RPS6KA2: variants seen among roughly 807,000 people sequenced by gnomAD.
RPS6KA2 encodes the protein ribosomal protein S6 kinase A2.
Under a neutral mutation model 91.8 loss-of-function variants are expected in RPS6KA2, and 42 were observed. That is an observed-to-expected ratio of 0.46 (90% CI 0.36 to 0.59). The LOEUF (loss-of-function observed/expected upper bound fraction) is 0.59, where lower values mean the gene tolerates loss of function less well. Ranked by LOEUF, RPS6KA2 falls within the 20% of genes least tolerant of loss-of-function variation. The pLI, the probability that RPS6KA2 is intolerant of heterozygous loss-of-function variation, is 0.00. For synonymous variants in RPS6KA2, 414 were observed against 393.6 expected (o/e 1.05, Z -0.61); for missense variants, 798 against 978.5 (o/e 0.82, Z 2.46).
intron 2 of RPS6KA2, among the ~76,000 whole-genome samples, chr6:166,641,719 CAAAAAAAAAAAAAAAAAAAAAA>C (rs71032871): frequency 8.1e-3 from 231 of 28,522 alleles, no homozygotes; most frequent in East Asian, 0.03. Flanking sequence ...GACTCTGTCA[CAAAAAAAAAAAAAAAAAAAAAA>C]AAAAAAAAAA....
chr6:166,783,083 ATTATTATTATTATTAT>A (rs1562436431), intron 2 of RPS6KA2, among the ~76,000 whole-genome samples: 3 of 128,274 alleles, frequency 2.3e-5, no homozygotes, highest in Admixed American at 7.8e-5. Flanking sequence ...TATTATTATT[ATTATTATTATTATTAT>A]TGTTTTTGAG....
chr6:166,712,787 A>T (rs1789902244), intron 2 of RPS6KA2, among the ~76,000 whole-genome samples: 1 of 152,182 alleles, frequency 6.6e-6, no homozygotes, highest in Admixed American at 6.5e-5. Context: ...CCCCTTCTAG[A>T]TGTTGCCACG....
chr6:166,566,474 C>A (rs1325697712), intron 1 of RPS6KA2, among the ~76,000 whole-genome samples: 1 of 152,246 alleles, frequency 6.6e-6, no homozygotes, highest in Non-Finnish European at 1.5e-5. Context: ...CACCACATCA[C>A]CAGAGGTTCT....
chr6:166,828,848 CTT>C (rs940516094), intron 2 of RPS6KA2, among the ~76,000 whole-genome samples: 3 of 152,148 alleles, frequency 2.0e-5, no homozygotes, highest in Non-Finnish European at 4.4e-5. Flanking sequence ...AAATGTAAAA[CTT>C]TTGTACATCA....
chr6:166,731,551 CCT>C (rs1051557577), intron 2 of RPS6KA2, among the ~76,000 whole-genome samples: 2 of 151,990 alleles, frequency 1.3e-5, no homozygotes, highest in African/African-American at 2.4e-5. Flanking sequence ...TCAGAAAACC[CCT>C]GATTCTGTAA....
intron 2 of RPS6KA2, among the ~76,000 whole-genome samples, chr6:166,658,323 T>C (rs938408150): frequency 1.3e-5 from 2 of 152,194 alleles, no homozygotes; most frequent in Non-Finnish European, 2.9e-5. Flanking sequence ...CCGACAGCCC[T>C]GTGCACAGCC....
At position 166,530,509 on chromosome 6, in the gene RPS6KA2, G is replaced by T. The variant is rs77710758; in HGVS notation, c.298+723C>A. Among the ~76,000 whole-genome samples the T allele has an allele frequency of 5.5e-3, 835 of 152,326 alleles. 4 individuals carry two copies. Among genetic ancestry groups the T allele is most frequent in the African/African-American group, 0.019 (787 of 41,592 alleles). ...GTGGCACGGGGTGCCCTCCTCCCCAGGGGGTCAGTTTATGTAACTAATAAG... is the reference window on the plus strand; with the variant it reads ...GTGGCACGGGGTGCCCTCCTCCCCATGGGGTCAGTTTATGTAACTAATAAG... On this transcript the variant is annotated intron_variant, in intron 3 of 20. Coordinates refer to ENST00000265678, the MANE Select transcript of RPS6KA2 (RefSeq NM_021135.6).
At chr6:166,706,375 T>C (rs16899311) in intron 2 of RPS6KA2, among the ~76,000 whole-genome samples, 11,088 of 152,128 alleles carry the variant, frequency 0.073, 746 homozygotes, top group African/African-American at 0.18. Context: ...TGTGAAGAGT[T>C]CCTCAACTCA....
chr6:166,778,584 G>A (rs1389276026), intron 2 of RPS6KA2, among the ~76,000 whole-genome samples: 1 of 152,152 alleles, frequency 6.6e-6, no homozygotes, highest in African/African-American at 2.4e-5. Flanking sequence ...TGGCCAACAC[G>A]GCGAAACCCC....
chr6:166,454,106 C>T (rs1455638669), intron 12 of RPS6KA2, among the ~76,000 whole-genome samples: 1 of 152,092 alleles, frequency 6.6e-6, no homozygotes, highest in Non-Finnish European at 1.5e-5. Context: ...GTAAAATGAA[C>T]ACTCCTCAGG....
At chr6:166,526,637 C>T (rs1468248332) in intron 3 of RPS6KA2, among the ~76,000 whole-genome samples, 1 of 152,134 alleles carries the variant, frequency 6.6e-6, no homozygotes, top group Non-Finnish European at 1.5e-5. Context: ...GGTGTGACTA[C>T]CACATCCAGC....
At chr6:166,531,971 T>C (rs921914682) in intron 2 of RPS6KA2, among the ~76,000 whole-genome samples, 5 of 151,356 alleles carry the variant, frequency 3.3e-5, no homozygotes, top group Non-Finnish European at 5.9e-5. Context: ...CTGGAGTTCC[T>C]TTGTATAAAA....
chr6:166,605,343 G>A (rs1267966247), intron 1 of RPS6KA2, among the ~76,000 whole-genome samples: 1 of 152,074 alleles, frequency 6.6e-6, no homozygotes, highest in African/African-American at 2.4e-5. Context: ...TAGATTACGA[G>A]CTCCTTAAAA....
At chr6:166,430,368 C>T in intron 16 of RPS6KA2, 85 bp downstream of exon 16, 1 of 1,236,472 alleles carries the variant, frequency 8.1e-7, no homozygotes, top group Non-Finnish European at 1.1e-6. Context: ...GCGTTCTCAG[C>T]TCTTGAACCC....
chr6:166,765,509 C>A (rs893265530), intron 2 of RPS6KA2, among the ~76,000 whole-genome samples: 1 of 152,142 alleles, frequency 6.6e-6, no homozygotes, highest in Non-Finnish European at 1.5e-5. Flanking sequence ...GACATAGAGG[C>A]TCAATAAATC....
chr6:166,638,061 G>A (rs1044108076), intron 2 of RPS6KA2, among the ~76,000 whole-genome samples: 28 of 152,296 alleles, frequency 1.8e-4, no homozygotes, highest in African/African-American at 6.5e-4. Flanking sequence ...TTCACCGCCT[G>A]TGTGAAAACA....
intron 2 of RPS6KA2, among the ~76,000 whole-genome samples, chr6:166,774,074 T>C (rs1367082095): frequency 6.6e-5 from 10 of 152,128 alleles, no homozygotes; most frequent in Admixed American, 6.5e-4. Context: ...TGACCCAGTG[T>C]TGTGGGAGAA....
At chr6:166,685,223 T>G (rs1374146410) in intron 2 of RPS6KA2, among the ~76,000 whole-genome samples, 1 of 147,118 alleles carries the variant, frequency 6.8e-6, no homozygotes, top group Non-Finnish European at 1.5e-5. Flanking sequence ...GAGTGTGGAG[T>G]GTGTATGCAG....
chr6:166,705,297 G>GTA (rs997029437), intron 2 of RPS6KA2, among the ~76,000 whole-genome samples: 10 of 152,296 alleles, frequency 6.6e-5, no homozygotes, highest in East Asian at 1.9e-4. Flanking sequence ...TACCAGTAGT[G>GTA]TTTCTCGAAT....
Sources: gnomAD v4.1 joint callset for allele counts (sites outside exome capture counted in the v4.1 genomes callset) on GRCh38, gnomAD v4.1.1 for gene constraint, MANE v1.5 for transcripts, NCBI Gene and HGNC (gene_info 2026-07-23, HGNC 2026-07-21) for gene names.